Variants in PCDHGB1 observed in about 807,000 individuals in gnomAD.
PCDHGB1 encodes protocadherin gamma subfamily B, 1, also known as protocadherin gamma-B1.
In PCDHGB1, 34 loss-of-function variants were observed where a neutral mutation model predicts 56.6. The observed-to-expected ratio is 0.60, with a 90% CI of 0.46 to 0.80. PCDHGB1 has a LOEUF of 0.80. Ranked by LOEUF, PCDHGB1 falls within the 30% of genes least tolerant of loss-of-function variation. PCDHGB1 has a pLI of 0.00. For missense variants in PCDHGB1, 1,278 were observed against 1,204.6 expected (o/e 1.06, Z -0.90); for synonymous variants, 561 against 505.9 (o/e 1.11, Z -1.46).
At chr5:141,385,369 G>A in intron 1 of PCDHGB1, 1 of 1,532,174 alleles carries the variant, frequency 6.5e-7, no homozygotes, top group East Asian at 2.3e-5. Flanking sequence ...TTATTTGCAT[G>A]ATATTTCTCT....
rs554375300 is a variant in PCDHGB1 at position 141,361,649 on chromosome 5, T to C, written c.2409+8980T>C. The stretch of plus-strand genomic sequence containing the variant: ...AAGCCGCGGGAGATTTTATCCTACG[T>C]GTCCGTGAGCGCGCAGAGCGGGGTG... On this transcript the variant is annotated intron_variant, in intron 1 of 3. Transcript: ENST00000523390. 3.7e-6 allele frequency: 6 copies of C among 1,613,772 alleles called. No individual in the cohort carries two copies. The East Asian group carries it at 1.3e-4, about 36-fold the overall frequency.
chr5:141,444,281 C>T (rs1256106299), intron 1 of PCDHGB1, among the ~76,000 whole-genome samples: 1 of 146,976 alleles, frequency 6.8e-6, no homozygotes, highest in African/African-American at 2.5e-5. Context: ...AAGTGATTCT[C>T]CTGCCTCAGC....
At chr5:141,501,402 G>A (rs527659990) in intron 2 of PCDHGB1, among the ~76,000 whole-genome samples, 5 of 151,740 alleles carry the variant, frequency 3.3e-5, no homozygotes, top group Non-Finnish European at 7.4e-5. Flanking sequence ...ACAGGCCACT[G>A]CTTGGAAAAT....
At chr5:141,442,111 C>G (rs1265830634) in intron 1 of PCDHGB1, 1 of 166,236 alleles carries the variant, frequency 6.0e-6, no homozygotes, top group Non-Finnish European at 1.3e-5. Context: ...CACTACCGCC[C>G]CTCGTCGCCG....
At chr5:141,383,577 C>T in intron 1 of PCDHGB1, 1 of 1,613,420 alleles carries the variant, frequency 6.2e-7, no homozygotes, top group Non-Finnish European at 8.5e-7. Context: ...CCAGCACCGC[C>T]CACATCCAGG....
intron 1 of PCDHGB1, among the ~76,000 whole-genome samples, chr5:141,473,915 A>G (rs1366378437): frequency 3.3e-5 from 5 of 152,162 alleles, no homozygotes; most frequent in Non-Finnish European, 5.9e-5. Flanking sequence ...GTCTTAAGAA[A>G]ACTATGAGCT....
At chr5:141,414,336 C>T (rs567878158) in intron 1 of PCDHGB1, 3 of 1,613,846 alleles carry the variant, frequency 1.9e-6, no homozygotes, top group East Asian at 2.2e-5. Flanking sequence ...GACAGGTAAC[C>T]TGTTCCATTT....
intron 1 of PCDHGB1, chr5:141,478,644 T>C (rs1217932733): frequency 6.4e-7 from 1 of 1,552,238 alleles, no homozygotes. Flanking sequence ...GATGAAGATG[T>C]TTTCCTGGTG....
intron 1 of PCDHGB1, chr5:141,378,539 A>G (rs891154115): frequency 5.3e-5 from 8 of 152,296 alleles, no homozygotes; most frequent in African/African-American, 1.9e-4. Flanking sequence ...TAATAATGAT[A>G]ATTAATAAAT....
At chr5:141,360,645 C>A (rs1263942255) in intron 1 of PCDHGB1, 1 of 1,613,862 alleles carries the variant, frequency 6.2e-7, no homozygotes, top group Non-Finnish European at 8.5e-7. Context: ...TACAAAGATA[C>A]CACCTTAATG....
intron 1 of PCDHGB1, chr5:141,405,019 T>C (rs2094597771): frequency 6.2e-7 from 1 of 1,613,860 alleles, no homozygotes; most frequent in African/African-American, 1.3e-5. Flanking sequence ...CCTCAGACCT[T>C]ACCCTCTACC....
intron 1 of PCDHGB1, chr5:141,389,554 C>T: frequency 1.2e-6 from 2 of 1,613,184 alleles, no homozygotes; most frequent in South Asian, 1.1e-5. Context: ...AACGACAATG[C>T]GCCACGGGTG....
intron 1 of PCDHGB1, among the ~76,000 whole-genome samples, chr5:141,402,682 T>C (rs1012328239): frequency 2.0e-5 from 3 of 152,256 alleles, no homozygotes; most frequent in South Asian, 4.1e-4. Context: ...CCATCTGATA[T>C]AATGTTACAC....
intron 1 of PCDHGB1, among the ~76,000 whole-genome samples, chr5:141,386,717 A>G (rs2090680763): frequency 6.6e-6 from 1 of 152,214 alleles, no homozygotes; most frequent in South Asian, 2.1e-4. Flanking sequence ...TGCTGACACC[A>G]ACAATGTTAC....
intron 1 of PCDHGB1, chr5:141,394,201 A>G (rs764975219): frequency 2.5e-6 from 4 of 1,613,874 alleles, no homozygotes; most frequent in Admixed American, 1.7e-5. Context: ...TATATCCTAG[A>G]GAACAACCTG....
intron 1 of PCDHGB1, among the ~76,000 whole-genome samples, chr5:141,468,994 T>C (rs2099188173): frequency 6.7e-6 from 1 of 148,824 alleles, no homozygotes; most frequent in Non-Finnish European, 1.5e-5. Context: ...ATTATTGTTT[T>C]TGCTGGGTGC....
intron 1 of PCDHGB1, chr5:141,374,617 C>A (rs981307720): frequency 3.7e-6 from 6 of 1,613,400 alleles, no homozygotes; most frequent in African/African-American, 1.3e-5. Flanking sequence ...ATAGTCACTT[C>A]TCAGTGGACG....
At chr5:141,510,627 G>C (rs2099881988) in intron 3 of PCDHGB1, among the ~76,000 whole-genome samples, 2 of 152,090 alleles carry the variant, frequency 1.3e-5, no homozygotes, top group South Asian at 2.1e-4. Context: ...AACCAGAAGA[G>C]GTGGTTACCA....
chr5:141,462,811 T>C (rs893444929), intron 1 of PCDHGB1, among the ~76,000 whole-genome samples: 1 of 152,206 alleles, frequency 6.6e-6, no homozygotes, highest in Non-Finnish European at 1.5e-5. Context: ...ATAATGTTTT[T>C]ATTGGACAGC....
Sources: gnomAD v4.1 joint callset for allele counts (sites outside exome capture counted in the v4.1 genomes callset) on GRCh38, gnomAD v4.1.1 for gene constraint, MANE v1.5 for transcripts, NCBI Gene and HGNC (gene_info 2026-07-23, HGNC 2026-07-21) for gene names.